Variants in FNBP1 observed in about 807,000 individuals in gnomAD.
FNBP1 encodes the protein formin-binding protein 1.
In FNBP1, 26 loss-of-function variants were observed where a neutral mutation model predicts 90.6. That is an observed-to-expected ratio of 0.29 (90% confidence interval 0.21 to 0.40). The LOEUF is 0.40. FNBP1 is among the 10% of genes least tolerant of loss of function. FNBP1 has a pLI of 1.00. For missense variants in FNBP1, 635 were observed against 768.0 expected (o/e 0.83, Z 2.05); for synonymous variants, 260 against 265.2 (o/e 0.98, Z 0.19).
intron 1 of FNBP1, among the ~76,000 whole-genome samples, chr9:129,997,576 C>A (rs888250048): frequency 2.6e-5 from 4 of 152,210 alleles, no homozygotes; most frequent in African/African-American, 9.7e-5. Flanking sequence ...ACAACTCAAG[C>A]TATGACTACA....
At chr9:129,939,626 C>A (rs2044034596) in intron 6 of FNBP1, among the ~76,000 whole-genome samples, 1 of 151,940 alleles carries the variant, frequency 6.6e-6, no homozygotes, top group South Asian at 2.1e-4. Flanking sequence ...AAGCTTCAGC[C>A]TGTGCTAGTA....
upstream of FNBP1, among the ~76,000 whole-genome samples, chr9:130,043,732 A>C (rs1405896337): frequency 6.6e-6 from 1 of 152,206 alleles, no homozygotes; most frequent in Non-Finnish European, 1.5e-5. Context: ...TCGAGTGGCT[A>C]GGGAAAGAAT....
upstream of FNBP1, among the ~76,000 whole-genome samples, chr9:130,045,736 T>C (rs1199424466): frequency 6.6e-6 from 1 of 151,908 alleles, no homozygotes; most frequent in Non-Finnish European, 1.5e-5. Context: ...CTTCAAAAAA[T>C]AAAGGAGAGA....
intron 6 of FNBP1, among the ~76,000 whole-genome samples, chr9:129,956,301 T>C (rs2046936027): frequency 6.6e-6 from 1 of 152,206 alleles, no homozygotes; most frequent in Admixed American, 6.6e-5. Context: ...TAAACTCAAC[T>C]CTAACTGATC....
chr9:129,934,729 G>A (rs535321710), intron 6 of FNBP1, among the ~76,000 whole-genome samples: 203 of 152,012 alleles, frequency 1.3e-3, no homozygotes, highest in Non-Finnish European at 1.3e-3. Flanking sequence ...CCGCCACCAC[G>A]CCCGGCTAAT....
At chr9:129,961,907 C>G (rs1355299375) in intron 4 of FNBP1, among the ~76,000 whole-genome samples, 1 of 152,106 alleles carries the variant, frequency 6.6e-6, no homozygotes, top group Admixed American at 6.5e-5. Flanking sequence ...TAGTATCCTT[C>G]CACACTGTAC....
In FNBP1 at chr9:129,977,089, G is replaced by A. The variant is rs190186863; in HGVS notation, c.345+1376C>T. On this transcript the variant is annotated intron_variant, in intron 4 of 16. Coordinates refer to ENST00000446176, the MANE Select transcript of FNBP1 (RefSeq NM_015033.3). ...GAGGAGAATCGCTTGAACCCGGGGG[G>A]CGGAGGTTTCAGGGAGTCGAGATCG... Among the ~76,000 whole-genome samples, 475 of 151,924 alleles carry A rather than the reference G, an allele frequency of 3.1e-3. 3 individuals carry two copies. Among genetic ancestry groups the A allele is most frequent in the Admixed American group, 7.6e-3 (116 of 15,254 alleles).
At chr9:129,965,794 GAGGGGGGAAGGAGGGAGGGAGGGAGGA>G (rs200152676) in intron 4 of FNBP1, among the ~76,000 whole-genome samples, 13 of 133,518 alleles carry the variant, frequency 9.7e-5, no homozygotes, top group East Asian at 8.8e-4. Context: ...AGGAGGGAGG[GAGGGGGGAAGGAGGGAGGGAGGGAGGA>G]AGGAAGGAAG....
At chr9:130,002,470 T>C (rs1012199740) in intron 1 of FNBP1, among the ~76,000 whole-genome samples, 2 of 152,122 alleles carry the variant, frequency 1.3e-5, no homozygotes, top group African/African-American at 4.8e-5. Flanking sequence ...TCTTGCTCTA[T>C]GAGTCCTGGC....
intron 15 of FNBP1, among the ~76,000 whole-genome samples, chr9:129,897,583 C>T (rs967924793): frequency 1.3e-5 from 2 of 152,012 alleles, no homozygotes; most frequent in South Asian, 2.1e-4. Flanking sequence ...GCAACTTTTT[C>T]GTAATTTTAT....
In FNBP1 at chr9:129,925,606, T is replaced by C. The variant is rs1277962604; in HGVS notation, c.790-449A>G. On this transcript the variant is annotated intron_variant, in intron 8 of 16. Coordinates refer to ENST00000446176, the MANE Select transcript of FNBP1 (RefSeq NM_015033.3). ...CCTAGTAGCTTTTTTTTTTTTTTTTTTTTTTTTGAGACAGTCTCAATCTGT... is the reference window on the plus strand; with the variant it reads ...CCTAGTAGCTTTTTTTTTTTTTTTTCTTTTTTTGAGACAGTCTCAATCTGT... 2.9e-4 allele frequency among the ~76,000 whole-genome samples: 38 copies of C among 132,194 alleles called. No homozygotes were observed. The East Asian group carries it at 8.4e-3, about 29-fold the overall frequency. 86.7% of individuals were successfully genotyped at this position (132,194 alleles called of 152,430 possible). A position where few individuals can be genotyped will look rare whatever the true frequency, so the allele number is the denominator to read the frequency against.
chr9:130,029,652 C>T (rs2058636940), intron 1 of FNBP1, among the ~76,000 whole-genome samples: 1 of 152,086 alleles, frequency 6.6e-6, no homozygotes, highest in South Asian at 2.1e-4. Flanking sequence ...CTACCTAAGC[C>T]ACATCAAAAC....
intron 6 of FNBP1, among the ~76,000 whole-genome samples, chr9:129,956,035 T>C (rs972528354): frequency 6.6e-6 from 1 of 152,136 alleles, no homozygotes; most frequent in Non-Finnish European, 1.5e-5. Context: ...AATACAGATA[T>C]TGAGAACACT....
At chr9:129,946,722 A>G (rs552674098) in intron 6 of FNBP1, among the ~76,000 whole-genome samples, 1 of 152,348 alleles carries the variant, frequency 6.6e-6, no homozygotes, top group African/African-American at 2.4e-5. Context: ...AGCTGTTTGT[A>G]ACCACTAACT....
At chr9:129,896,648 TTTG>T (rs1451579411) in intron 15 of FNBP1, among the ~76,000 whole-genome samples, 1 of 151,110 alleles carries the variant, frequency 6.6e-6, no homozygotes, top group Non-Finnish European at 1.5e-5. Flanking sequence ...TCCCAATTTT[TTTG>T]TTGTTGTTGT....
intron 2 of FNBP1, among the ~76,000 whole-genome samples, chr9:129,990,165 G>A (rs766302746): frequency 5.9e-5 from 9 of 152,194 alleles, no homozygotes; most frequent in South Asian, 2.1e-4. Flanking sequence ...ATTCTGCAGC[G>A]TATACATATT....
chr9:130,017,880 T>G (rs1015952299), intron 1 of FNBP1, among the ~76,000 whole-genome samples: 12 of 150,730 alleles, frequency 8.0e-5, no homozygotes, highest in Non-Finnish European at 1.5e-4. Flanking sequence ...GGTTTTTTTT[T>G]TTTTTTTTTT....
At chr9:129,979,835 G>T (rs1425965302) in intron 2 of FNBP1, among the ~76,000 whole-genome samples, 1 of 151,698 alleles carries the variant, frequency 6.6e-6, no homozygotes, top group Non-Finnish European at 1.5e-5. Flanking sequence ...TAGAGATGGG[G>T]TGTCATCATG....
In FNBP1 at chr9:130,041,815, A is replaced by T. The variant is rs2059845845; in HGVS notation, c.24+1137T>A. On this transcript the variant is annotated intron_variant, in intron 1 of 16. Transcript: ENST00000446176. The surrounding 1 kb of genome is among the most constrained non-coding windows in gnomAD (Gnocchi z 4.3). ...AAGGGAGGATGTGCTCTGTTTCTGT[A>T]ATTGCTCTAACCTTGTTTTATTTTG... 6.6e-6 allele frequency among the ~76,000 whole-genome samples: 1 copy of T among 152,186 alleles called. No homozygotes were observed. Among genetic ancestry groups the T allele is most frequent in the Admixed American group, 6.6e-5 (1 of 15,264 alleles).
Sources: allele counts gnomAD v4.1 joint callset (sites outside exome capture counted in the v4.1 genomes callset), GRCh38; gene constraint gnomAD v4.1.1; non-coding constraint Gnocchi (gnomAD v3.1); transcripts MANE v1.5; gene names NCBI Gene and HGNC (gene_info 2026-07-23, HGNC 2026-07-21).